SAMD5: variants seen among roughly 807,000 people sequenced by gnomAD.
The protein encoded by SAMD5 is sterile alpha motif domain containing 5.
A neutral mutation model predicts 11.3 loss-of-function variants in SAMD5; 13 were observed. The observed-to-expected ratio is 1.15, with a 90% confidence interval of 0.75 to 1.83. The LOEUF (loss-of-function observed/expected upper bound fraction) is 1.83, where lower values mean the gene tolerates loss of function less well. Among genes scored for constraint, SAMD5 ranks in the 40% most tolerant of loss-of-function variants. SAMD5 has a pLI of 0.00. For missense variants in SAMD5, 255 were observed against 239.1 expected (o/e 1.07, Z -0.44); for synonymous variants, 129 against 111.3 (o/e 1.16, Z -1.00).
At chr6:147,746,661 T>A in the SAMD5 span, among the ~76,000 whole-genome samples, 67 of 152,340 alleles carry the variant, frequency 4.4e-4, no homozygotes, top group African/African-American at 1.5e-3. Flanking sequence ...GCCAGTCCGA[T>A]GTCTTCAAGA....
chr6:147,733,863 C>A, intron 1 of SAMD5: 1 of 344,060 alleles, frequency 2.9e-6, no homozygotes, highest in Non-Finnish European at 4.1e-6. Flanking sequence ...GTCCCTGCAG[C>A]TGGAAAAGCG....
intron 1 of SAMD5, among the ~76,000 whole-genome samples, chr6:147,560,908 C>G (rs1033212919): frequency 1.3e-5 from 2 of 152,084 alleles, no homozygotes; most frequent in Non-Finnish European, 2.9e-5. Flanking sequence ...AAGTCACAAC[C>G]CAAGAATTAG....
At chr6:147,620,570 A>T (rs1392380207) in intron 1 of SAMD5, among the ~76,000 whole-genome samples, 1 of 152,236 alleles carries the variant, frequency 6.6e-6, no homozygotes, top group African/African-American at 2.4e-5. Context: ...AGTAAATGCC[A>T]TAAGAGCCAT....
At chr6:147,690,943 C>A (rs1380422201) in intron 1 of SAMD5, among the ~76,000 whole-genome samples, 3 of 142,764 alleles carry the variant, frequency 2.1e-5, no homozygotes, top group African/African-American at 7.8e-5. Context: ...CCAGATGGTG[C>A]CTTTGTTTCC....
the SAMD5 span, among the ~76,000 whole-genome samples, chr6:147,747,550 A>G: frequency 6.6e-6 from 1 of 152,110 alleles, no homozygotes; most frequent in Non-Finnish European, 1.5e-5. Context: ...GGTCTCTATC[A>G]CTGAGGCTGG....
At chr6:147,652,486 CA>C (rs1385380365) in intron 1 of SAMD5, among the ~76,000 whole-genome samples, 2 of 152,132 alleles carry the variant, frequency 1.3e-5, no homozygotes, top group African/African-American at 4.8e-5. Context: ...CACCATGGAT[CA>C]GTAGCAATCA....
rs1791487581 is a variant in SAMD5 at position 147,717,672 on chromosome 6, A to T, written c.163-19645A>T. ...AGACCAGCTTGGCCAACATGGCGAA[A>T]CCCTGTTTCTACTAAAAAATACAAA... On this transcript the variant is annotated intron_variant, in intron 1 of 1. Transcript: ENST00000566741. 5.3e-5 allele frequency among the ~76,000 whole-genome samples: 8 copies of T among 152,168 alleles called. No homozygotes were observed. In the South Asian group the frequency reaches 1.7e-3, roughly 32 times the overall value.
the SAMD5 span, among the ~76,000 whole-genome samples, chr6:147,767,742 G>C: frequency 6.6e-6 from 1 of 152,158 alleles, no homozygotes; most frequent in Non-Finnish European, 1.5e-5. Flanking sequence ...ACAAATACCT[G>C]TTGTCTAAAC....
the SAMD5 span, among the ~76,000 whole-genome samples, chr6:147,879,219 C>T: frequency 6.6e-6 from 1 of 152,330 alleles, no homozygotes; most frequent in East Asian, 1.9e-4. Context: ...GAAGAAGCTG[C>T]GATTTCACAA....
At chr6:147,550,277 G>T (rs758733132) in intron 1 of SAMD5, among the ~76,000 whole-genome samples, 2 of 151,880 alleles carry the variant, frequency 1.3e-5, no homozygotes, top group African/African-American at 4.8e-5. Flanking sequence ...ATGTTGAAGG[G>T]AAAGGGAACA....
chr6:147,747,471 A>C, the SAMD5 span, among the ~76,000 whole-genome samples: 1 of 152,192 alleles, frequency 6.6e-6, no homozygotes, highest in Non-Finnish European at 1.5e-5. Flanking sequence ...ATTTTGACTT[A>C]TACCATTCTT....
At chr6:147,514,852 G>A (rs666217) in intron 1 of SAMD5, among the ~76,000 whole-genome samples, 63,261 of 151,980 alleles carry the variant, frequency 0.42, 16,734 homozygotes, top group African/African-American at 0.76. Context: ...AGAATCTCAT[G>A]CTAATAAGGC....
intron 1 of SAMD5, among the ~76,000 whole-genome samples, chr6:147,638,386 T>C (rs936002488): frequency 6.6e-6 from 1 of 152,226 alleles, no homozygotes; most frequent in African/African-American, 2.4e-5. Context: ...CCTAAATATA[T>C]ACTTTGGCAA....
the SAMD5 span, among the ~76,000 whole-genome samples, chr6:147,821,425 G>T: frequency 6.6e-6 from 1 of 152,194 alleles, no homozygotes; most frequent in South Asian, 2.1e-4. Context: ...ACGTGGTTCT[G>T]CAGGGAAACC....
At chr6:147,716,830 G>A (rs572818780) in intron 1 of SAMD5, among the ~76,000 whole-genome samples, 2 of 152,316 alleles carry the variant, frequency 1.3e-5, no homozygotes, top group South Asian at 4.1e-4. Flanking sequence ...GTCAAGTTCT[G>A]AGTTTTCAAG....
At chr6:147,919,325 G>T in the SAMD5 span, among the ~76,000 whole-genome samples, 1 of 152,168 alleles carries the variant, frequency 6.6e-6, no homozygotes, top group Non-Finnish European at 1.5e-5. Context: ...TCATGGTGAG[G>T]TTCACTTGTT....
At chr6:147,538,022 A>T (rs1788541071) in intron 1 of SAMD5, among the ~76,000 whole-genome samples, 1 of 152,192 alleles carries the variant, frequency 6.6e-6, no homozygotes, top group Admixed American at 6.5e-5. Flanking sequence ...ACAATTTTAT[A>T]TCTGTTCAGT....
At chr6:147,860,574 T>G in the SAMD5 span, among the ~76,000 whole-genome samples, 1 of 152,296 alleles carries the variant, frequency 6.6e-6, no homozygotes, top group East Asian at 1.9e-4. Flanking sequence ...CTTTGAACAG[T>G]AAAGATTTCA....
chr6:147,716,618 C>T (rs913378219), intron 1 of SAMD5, among the ~76,000 whole-genome samples: 1 of 152,236 alleles, frequency 6.6e-6, no homozygotes, highest in African/African-American at 2.4e-5. Flanking sequence ...GGGCTTCCAC[C>T]TGTTTCCGGC....
Sources: allele counts gnomAD v4.1 joint callset (sites outside exome capture counted in the v4.1 genomes callset), GRCh38; gene constraint gnomAD v4.1.1; transcripts MANE v1.5; gene names NCBI Gene and HGNC (gene_info 2026-07-23, HGNC 2026-07-21).